MCM9: variants seen among roughly 807,000 people sequenced by gnomAD.
MCM9 encodes the protein minichromosome maintenance 9 homologous recombination repair factor, also known as DNA helicase MCM9.
MCM9 carries 55 observed loss-of-function variants against 72.8 expected under a neutral mutation model. The ratio of observed to expected loss-of-function variants is 0.76; its 90% CI spans 0.61 to 0.95. The LOEUF (loss-of-function observed/expected upper bound fraction) is 0.95, where lower values mean the gene tolerates loss of function less well. MCM9 is among the 40% of genes least tolerant of loss of function. The probability of loss-of-function intolerance (pLI) is 0.00; values close to 1 mark genes in which losing one functional copy is unlikely to be tolerated. For missense variants in MCM9, 1,279 were observed against 1,377.0 expected, an observed-to-expected ratio of 0.93 and a Z score of 1.13; for synonymous variants, 480 against 503.4, an observed-to-expected ratio of 0.95 and a Z score of 0.62.
chr6:118,832,210 A>C (rs1229448320), intron 9 of MCM9, among the ~76,000 whole-genome samples: 1 of 152,118 alleles, frequency 6.6e-6, no homozygotes, highest in Non-Finnish European at 1.5e-5. Flanking sequence ...ACAGGTGTAC[A>C]TCACCATGCC....
At chr6:118,910,689 T>G in intron 8 of MCM9, 1 of 985,394 alleles carries the variant, frequency 1.0e-6, no homozygotes, top group Non-Finnish European at 1.2e-6. Flanking sequence ...ATGGGAAATA[T>G]TCTTTATATA....
chr6:118,887,957 G>A (rs1778700391), intron 8 of MCM9, among the ~76,000 whole-genome samples: 1 of 152,080 alleles, frequency 6.6e-6, no homozygotes, highest in African/African-American at 2.4e-5. Flanking sequence ...GGGGTGAAGG[G>A]AGTGGTTAAG....
intron 13 of MCM9, among the ~76,000 whole-genome samples, chr6:118,819,063 A>C (rs1773607538): frequency 6.6e-6 from 1 of 152,052 alleles, no homozygotes; most frequent in Admixed American, 6.5e-5. Context: ...TGTCATCTGC[A>C]AACAGAGACA....
chr6:118,861,503 G>T (rs893992260), intron 8 of MCM9, among the ~76,000 whole-genome samples: 5 of 152,228 alleles, frequency 3.3e-5, no homozygotes, highest in Non-Finnish European at 5.9e-5. Context: ...ACTGGAGGGT[G>T]AGCAAGGTGG....
intron 8 of MCM9, among the ~76,000 whole-genome samples, chr6:118,910,428 A>T (rs970070950): frequency 4.6e-5 from 7 of 152,180 alleles, no homozygotes; most frequent in African/African-American, 1.7e-4. Flanking sequence ...TTGCATTAAA[A>T]AGGAGGAAAT....
intron 10 of MCM9, among the ~76,000 whole-genome samples, chr6:118,828,402 T>C (rs1774310004): frequency 1.3e-5 from 2 of 152,082 alleles, no homozygotes; most frequent in Non-Finnish European, 1.5e-5. Flanking sequence ...TTTTTTTTTT[T>C]TGAGATGGAG....
intron 3 of MCM9, among the ~76,000 whole-genome samples, chr6:118,928,614 G>A (rs900688132): frequency 1.1e-4 from 16 of 151,098 alleles, no homozygotes; most frequent in African/African-American, 3.9e-4. Context: ...TTGGGAGGCT[G>A]AAGCAGAAGG....
chr6:118,828,915 G>T, intron 10 of MCM9, 133 bp downstream of exon 10: 1 of 931,764 alleles, frequency 1.1e-6, no homozygotes. Flanking sequence ...ACTGCTTTCT[G>T]TCTAAGCTTT....
intron 8 of MCM9, among the ~76,000 whole-genome samples, chr6:118,899,971 C>T (rs1297387353): frequency 6.6e-6 from 1 of 152,152 alleles, no homozygotes; most frequent in East Asian, 1.9e-4. Context: ...AAGAGTTCTA[C>T]TCATCTCTGG....
chr6:118,904,832 T>C (rs939693210), intron 8 of MCM9, among the ~76,000 whole-genome samples: 3 of 152,186 alleles, frequency 2.0e-5, no homozygotes, highest in African/African-American at 4.8e-5. Flanking sequence ...TTCCATCTCA[T>C]TTTCAGTTTT....
intron 9 of MCM9, among the ~76,000 whole-genome samples, chr6:118,855,007 C>T (rs1776464063): frequency 6.6e-6 from 1 of 152,060 alleles, no homozygotes; most frequent in South Asian, 2.1e-4. Context: ...AAGTCAAAAC[C>T]AGTCCTTTAC....
rs2114463120 is a variant in MCM9 at position 118,931,717 on chromosome 6, T to C, written c.7A>G (p.Ser3Gly). The change falls in exon 3 of 14, where the codon AGC (serine) becomes GGC (glycine). Residue 3 changes from serine (S) to glycine (G), a missense_variant. Coordinates refer to ENST00000619706, the MANE Select transcript of MCM9 (RefSeq NM_017696.3). MN[S>G]DQVTLVGQVF... ...TGACCAACCAGTGTAACTTGATCGC[T>C]ATTCATCTTGAATCTAGGTAACTAA... 1 of 1,605,558 alleles carries C rather than the reference T, an allele frequency of 6.2e-7. No individual in the cohort carries two copies.
chr6:118,855,652 C>T (rs1021176178), intron 9 of MCM9, among the ~76,000 whole-genome samples: 3 of 152,174 alleles, frequency 2.0e-5, no homozygotes, highest in African/African-American at 7.2e-5. Flanking sequence ...GGCAGCCCTA[C>T]CTGTCTGATC....
intron 3 of MCM9, among the ~76,000 whole-genome samples, chr6:118,926,782 G>A (rs1781931303): frequency 1.3e-5 from 2 of 152,104 alleles, no homozygotes; most frequent in African/African-American, 4.8e-5. Flanking sequence ...CGATTATCTT[G>A]GGCATACAGC....
chr6:118,846,641 C>T (rs1583418252), intron 9 of MCM9, among the ~76,000 whole-genome samples: 1 of 151,768 alleles, frequency 6.6e-6, no homozygotes, highest in South Asian at 2.1e-4. Context: ...TCTTGGTGAT[C>T]AGGTGAAGAA....
rs1773337613 is a variant in MCM9, at chr6:118,815,280, C to G, written c.2976G>C (p.Glu992Asp). The G allele has an allele frequency of 6.4e-7, 1 of 1,550,664 alleles. No individual in the cohort carries two copies. The highest frequency in any genetic ancestry group is 1.4e-5 in the African/African-American group (1 of 73,130). The change falls in exon 14 of 14, where the codon GAG (glutamate) becomes GAC (aspartate). Residue 992 changes from glutamate (E) to aspartate (D), a missense_variant. Physicochemically the swap from Glu to Asp is conservative, Grantham distance 45 (BLOSUM62 2). Transcript: ENST00000619706. ...ISSQPQGETK[E>D]VSQQPPEKHG... Reference sequence around the variant, plus strand: ...GTTTCTCTGGTGGCTGCTGCGACACCTCCTTTGTCTCACCCTGTGGCTGAC... The same window carrying G: ...GTTTCTCTGGTGGCTGCTGCGACACGTCCTTTGTCTCACCCTGTGGCTGAC...
chr6:118,841,069 G>A (rs1775332496), intron 9 of MCM9, among the ~76,000 whole-genome samples: 1 of 152,074 alleles, frequency 6.6e-6, no homozygotes, highest in South Asian at 2.1e-4. Context: ...TTTTAACAAG[G>A]TTGATAAAGT....
intron 12 of MCM9, among the ~76,000 whole-genome samples, chr6:118,826,517 C>T (rs534772199): frequency 1.3e-5 from 2 of 152,118 alleles, no homozygotes; most frequent in Non-Finnish European, 2.9e-5. Flanking sequence ...GGGCTATGAA[C>T]ATCTCTCAGG....
intron 3 of MCM9, among the ~76,000 whole-genome samples, chr6:118,925,570 G>A (rs1781824945): frequency 6.6e-6 from 1 of 152,164 alleles, no homozygotes; most frequent in Non-Finnish European, 1.5e-5. Flanking sequence ...TTGGTTGGCT[G>A]AAATTCTCTC....
Sources: allele counts gnomAD v4.1 joint callset (sites outside exome capture counted in the v4.1 genomes callset), GRCh38; gene constraint gnomAD v4.1.1; transcripts MANE v1.5; gene names NCBI Gene and HGNC (gene_info 2026-07-23, HGNC 2026-07-21).